Variants in AASS observed in about 807,000 individuals in gnomAD.
AASS encodes the protein aminoadipate-semialdehyde synthase.
In AASS, 86 loss-of-function variants were observed where a neutral mutation model predicts 105.4. The observed-to-expected ratio is 0.82, with a 90% CI of 0.69 to 0.98. AASS has a LOEUF of 0.98. Among genes scored for constraint, AASS ranks in the 50% least tolerant of loss-of-function variants. AASS has a pLI of 0.00. For synonymous variants in AASS, 381 were observed against 394.8 expected, an observed-to-expected ratio of 0.96 and a Z score of 0.41; for missense variants, 1,048 against 1,143.2, an observed-to-expected ratio of 0.92 and a Z score of 1.20.
At chr7:122,109,712 AAC>A (rs1794840090) in intron 11 of AASS, among the ~76,000 whole-genome samples, 1 of 151,942 alleles carries the variant, frequency 6.6e-6, no homozygotes, top group African/African-American at 2.4e-5. Flanking sequence ...AGAAAAAAAA[AAC>A]ACAGGGGAAA....
chr7:122,115,845 A>T (rs1318570242), intron 8 of AASS, among the ~76,000 whole-genome samples: 1 of 152,196 alleles, frequency 6.6e-6, no homozygotes, highest in Non-Finnish European at 1.5e-5. Context: ...AACTATGTTC[A>T]TAATTTTTCT....
At chr7:122,081,373 G>A (rs1228759515) in intron 20 of AASS, 127 bp downstream of exon 20, 2 of 819,134 alleles carry the variant, frequency 2.4e-6, no homozygotes, top group East Asian at 2.4e-5. Context: ...TTGGAGTTAG[G>A]ATTTATCTTC....
intron 4 of AASS, among the ~76,000 whole-genome samples, chr7:122,120,145 CTCA>C (rs755118951): frequency 3.9e-5 from 6 of 152,118 alleles, no homozygotes; most frequent in Non-Finnish European, 8.8e-5. Context: ...GATTTCTCTG[CTCA>C]TCATTTGGGT....
intron 4 of AASS, 96 bp downstream of exon 4, chr7:122,126,279 A>G: frequency 9.4e-7 from 1 of 1,061,852 alleles, no homozygotes; most frequent in Non-Finnish European, 1.5e-6. Flanking sequence ...CCATGGAAAT[A>G]AACACTCCTA....
intron 1 of AASS, among the ~76,000 whole-genome samples, chr7:122,143,426 T>G (rs112814345): frequency 6.7e-6 from 1 of 149,142 alleles, no homozygotes; most frequent in African/African-American, 2.5e-5. Flanking sequence ...TAGACAGACA[T>G]TCAGCCCCAT....
At chr7:122,140,241 T>G (rs1024728893) in intron 1 of AASS, among the ~76,000 whole-genome samples, 3 of 151,916 alleles carry the variant, frequency 2.0e-5, no homozygotes, top group Non-Finnish European at 4.4e-5. Flanking sequence ...ATCCCAGCAC[T>G]TTGGGAGGCT....
At position 122,116,911 on chromosome 7, in the gene AASS, G is replaced by A; in HGVS notation, c.734C>T (p.Pro245Leu). The A allele has an allele frequency of 6.2e-7, 1 of 1,613,900 alleles. No individual in the cohort carries two copies. Among genetic ancestry groups the A allele is most frequent in the East Asian group, 2.2e-5 (1 of 44,858 alleles). ...TTGGGAAACTTCTTTTAATTCATGGGGCTCCACATATTCACAAGGTAGCTC... is the reference window on the plus strand; with the variant it reads ...TTGGGAAACTTCTTTTAATTCATGGAGCTCCACATATTCACAAGGTAGCTC... ...FNELPCEYVE[P>L]HELKEVSQTG... The change falls in exon 7 of 24, where the codon CCC becomes CTC. Residue 245 changes from proline (P) to leucine (L), a missense_variant. Physicochemically the swap from Pro to Leu is moderately conservative, Grantham distance 98. Transcript: ENST00000417368.
At chr7:122,105,149 A>G (rs1794607160) in intron 11 of AASS, among the ~76,000 whole-genome samples, 1 of 152,134 alleles carries the variant, frequency 6.6e-6, no homozygotes, top group Non-Finnish European at 1.5e-5. Flanking sequence ...TCATTATTAA[A>G]GAGCTCAAGT....
chr7:122,131,418 A>T lies in AASS; in HGVS notation c.211-1881T>A, dbSNP rs200643462. Among the ~76,000 whole-genome samples, 3 of 151,996 alleles carry T rather than the reference A, an allele frequency of 2.0e-5. No individual in the cohort carries two copies. In the East Asian group the frequency reaches 5.8e-4, roughly 29 times the overall value. On this transcript the variant is annotated intron_variant, in intron 2 of 23. Coordinates refer to ENST00000417368, the MANE Select transcript of AASS (RefSeq NM_005763.4). ...GTAATAATAGTATTGTGATCCTGAC[A>T]CTATTTATACATATCATAGGATAAA... is the stretch of plus-strand genomic sequence containing the variant.
intron 2 of AASS, among the ~76,000 whole-genome samples, chr7:122,132,470 G>T (rs1196501849): frequency 6.6e-6 from 1 of 152,140 alleles, no homozygotes; most frequent in East Asian, 1.9e-4. Context: ...TTGAGGAATA[G>T]GAACATCACA....
chr7:122,097,173 G>A (rs745352700), intron 15 of AASS, among the ~76,000 whole-genome samples: 1 of 151,240 alleles, frequency 6.6e-6, no homozygotes, highest in Non-Finnish European at 1.5e-5. Context: ...TGTTTTCCAA[G>A]CCTGCTTTTT....
At chr7:122,137,869 C>G (rs1160950977) in intron 1 of AASS, among the ~76,000 whole-genome samples, 1 of 152,126 alleles carries the variant, frequency 6.6e-6, no homozygotes, top group African/African-American at 2.4e-5. Context: ...GGTTTACTCA[C>G]CACCAGCTCT....
intron 13 of AASS, among the ~76,000 whole-genome samples, chr7:122,100,312 A>G (rs1028476254): frequency 2.6e-5 from 4 of 151,912 alleles, no homozygotes; most frequent in African/African-American, 9.7e-5. Context: ...CCATCGGATG[A>G]TGAGAACCAA....
intron 18 of AASS, among the ~76,000 whole-genome samples, chr7:122,087,462 C>G (rs1186984956): frequency 1.3e-5 from 2 of 152,136 alleles, no homozygotes; most frequent in Non-Finnish European, 2.9e-5. Context: ...CTTGTGAACC[C>G]TACTAGACTG....
At chr7:122,131,337 C>CAAA (rs201237827) in intron 2 of AASS, among the ~76,000 whole-genome samples, 3 of 136,684 alleles carry the variant, frequency 2.2e-5, no homozygotes, top group African/African-American at 8.0e-5. Context: ...ATTCTAAAGG[C>CAAA]AAAAAAAAAA....
At chr7:122,110,782 A>ATC (rs1168522370) in intron 11 of AASS, among the ~76,000 whole-genome samples, 1 of 151,868 alleles carries the variant, frequency 6.6e-6, no homozygotes, top group African/African-American at 2.4e-5. Context: ...ATATATATAT[A>ATC]TATCTCCACA....
In AASS at chr7:122,074,213, T is replaced by C. The variant is rs1006103082; in HGVS notation, c.*2276A>G. On this transcript the variant is annotated 3_prime_UTR_variant, in exon 24 of 24. Coordinates refer to ENST00000417368, the MANE Select transcript of AASS (RefSeq NM_005763.4). ...TATCTCATTGTAGATCTCATTTGCATTTCCCTGATGGCTAGTGATGTTGAG... is the reference window on the plus strand; with the variant it reads ...TATCTCATTGTAGATCTCATTTGCACTTCCCTGATGGCTAGTGATGTTGAG... Among the ~76,000 whole-genome samples the C allele has an allele frequency of 2.6e-5, 4 of 151,850 alleles. No individual in the cohort carries two copies. The South Asian group carries it at 8.3e-4, about 32-fold the overall frequency.
chr7:122,135,962 G>T (rs1796122320), intron 1 of AASS, among the ~76,000 whole-genome samples: 1 of 151,992 alleles, frequency 6.6e-6, no homozygotes, highest in Non-Finnish European at 1.5e-5. Context: ...AACTTCAATT[G>T]GATTCTATCC....
chr7:122,106,764 A>C (rs1794685497), intron 11 of AASS, among the ~76,000 whole-genome samples: 1 of 152,148 alleles, frequency 6.6e-6, no homozygotes, highest in African/African-American at 2.4e-5. Flanking sequence ...AATCAACTCA[A>C]AGTGGATTAA....
Sources: allele counts gnomAD v4.1 joint callset (sites outside exome capture counted in the v4.1 genomes callset), GRCh38; gene constraint gnomAD v4.1.1; transcripts MANE v1.5; gene names NCBI Gene and HGNC (gene_info 2026-07-23, HGNC 2026-07-21).